The following KMT2D variants were observed in gnomAD, a reference collection of about 807,000 sequenced individuals.
KMT2D encodes histone-lysine N-methyltransferase 2D.
Under a neutral mutation model 512.7 loss-of-function variants are expected in KMT2D, and 55 were observed. That is an observed-to-expected ratio of 0.11 (90% CI 0.09 to 0.13). KMT2D has a LOEUF of 0.13. Ranked by LOEUF, KMT2D falls within the 10% of genes least tolerant of loss-of-function variation. The pLI is 1.00. For missense variants in KMT2D, 6,061 were observed against 7,127.9 expected (o/e 0.85, Z 5.39); for synonymous variants, 2,995 against 2,904.0 (o/e 1.03, Z -1.01).
Position 49,031,857 on chromosome 12 carries a change from G to A in KMT2D, c.12848C>T (p.Pro4283Leu), listed in dbSNP as rs768584961. The A allele has an allele frequency of 4.0e-5, 61 of 1,541,716 alleles. No homozygotes were observed. The highest frequency in any genetic ancestry group is 6.0e-5 in the Admixed American group (3 of 49,606). ...PLQELGAGPR[P>L]QGPPRLPAPP... ...GGCAGGGAGCCGGGGTGGGCCCTGA[G>A]GTCGAGGCCCTGCCCCTAGCTCCTG... is the stretch of plus-strand genomic sequence containing the variant. The change falls in exon 40 of 55, where the codon CCT becomes CTT. Residue 4283 changes from proline to leucine, a missense_variant. This residue lies in a region of KMT2D where 1,600 missense variants were observed against 1,754.9 expected (regional missense o/e 0.91). Transcript: ENST00000301067.
rs1288515459 is a variant in KMT2D, at chr12:49,046,906, C to T, written c.4237-116G>A. 6.6e-6 allele frequency: 6 copies of T among 912,060 alleles called. No homozygotes were observed. The highest frequency in any genetic ancestry group is 1.8e-5 in the South Asian group (1 of 56,800). 56.5% of individuals were successfully genotyped at this position (912,060 alleles called of 1,614,324 possible). ...TGTTCCCCAGGCTGGAGTGCAATGGCGCGATCTCGGCTCACTGCAACCTCT... is the reference window on the plus strand; with the variant it reads ...TGTTCCCCAGGCTGGAGTGCAATGGTGCGATCTCGGCTCACTGCAACCTCT... On this transcript the variant is annotated intron_variant, in intron 15 of 54. Coordinates refer to ENST00000301067, the MANE Select transcript of KMT2D (RefSeq NM_003482.4). The surrounding 1 kb of genome is among the most constrained non-coding windows in gnomAD (Gnocchi z 4.2).
chr12:49,021,417 T>C lies in KMT2D; in HGVS notation c.*363A>G, dbSNP rs1284214133. ...GAGGTCAGTGGGAGCAGCAGGGCTG[T>C]GAGGCCCGGCCACACATCCTCTTCC... is the stretch of plus-strand genomic sequence containing the variant. On this transcript the variant is annotated 3_prime_UTR_variant, in exon 55 of 55. Coordinates refer to ENST00000301067, the MANE Select transcript of KMT2D (RefSeq NM_003482.4). 1 of 332,634 alleles carries C rather than the reference T, an allele frequency of 3.0e-6. No homozygotes were observed. The allele number at this position is 332,634 out of a possible 1,614,324, so 20.6% of individuals were successfully genotyped here. A position where few individuals can be genotyped will look rare whatever the true frequency, so the allele number is the denominator to read the frequency against.
rs373531639 is a variant in KMT2D, at chr12:49,032,296, G to A, written c.12409C>T (p.Pro4137Ser). 4 of 1,613,928 alleles carry A rather than the reference G, an allele frequency of 2.5e-6. No homozygotes were observed. Among genetic ancestry groups the A allele is most frequent in the Non-Finnish European group, 3.4e-6 (4 of 1,179,848 alleles). Residue 4137 changes from proline (P) to serine (S), a missense_variant, in exon 40 of 55, where the codon CCC becomes TCC. Pro to Ser is a moderately conservative substitution (Grantham distance 74, BLOSUM62 -1). This residue lies in a region of KMT2D where 1,600 missense variants were observed against 1,754.9 expected (regional missense o/e 0.91). Transcript: ENST00000301067. ...GGCTGATCCCCTAAGGAAACAGAGG[G>A]CTGAGCCAGCAGGTGGGGCACAGAT... Reference protein sequence around the residue: ...ASSVPHLLAQPSVSLGDQPGS... With the variant: ...ASSVPHLLAQSSVSLGDQPGS...
In KMT2D at chr12:49,030,892, C is replaced by T; in HGVS notation, c.13671+1G>A. ...AGGGGGACTGTCTCCTGGGGGGTCA[C>T]CTGTTTCAGCTGTTTCAGCAAGGCC... On this transcript the variant is annotated splice_donor_variant, in intron 41 of 54. Transcript: ENST00000301067. LOFTEE classifies it high-confidence loss of function. 1 of 1,613,786 alleles carries T rather than the reference C, an allele frequency of 6.2e-7. No individual in the cohort carries two copies. The highest frequency in any genetic ancestry group is 8.5e-7 in the Non-Finnish European group (1 of 1,179,780).
chr12:49,050,452 C>T lies in KMT2D; in HGVS notation c.3136G>A (p.Ala1046Thr), dbSNP rs1592152507. ...NSPPSQCSPPALPLSVPSPLS... is the reference protein window; with the variant it reads ...NSPPSQCSPPTLPLSVPSPLS... ...GGGGAGGGAACGGACAGTGGTAGGG[C>T]AGGAGGAGAGCACTGGGAAGGAGGG... The change falls in exon 12 of 55, where the codon GCC becomes ACC. Residue 1046 changes from alanine (A) to threonine (T), a missense_variant. Ala to Thr is a moderately conservative substitution (Grantham distance 58, BLOSUM62 0). Coordinates refer to ENST00000301067, the MANE Select transcript of KMT2D (RefSeq NM_003482.4). 1 of 1,613,868 alleles carries T rather than the reference C, an allele frequency of 6.2e-7. No individual in the cohort carries two copies. The highest frequency in any genetic ancestry group is 1.3e-5 in the African/African-American group (1 of 75,022).
chr12:49,033,997 G>A, intron 39 of KMT2D, 33 bp from the exon 40 acceptor site: 1 of 1,555,210 alleles, frequency 6.4e-7, no homozygotes, highest in Non-Finnish European at 8.7e-7. Flanking sequence ...GTCAGGCTGG[G>A]GCATGCTCCC....
rs1396794808 is a variant in KMT2D, at chr12:49,040,220, T to C, written c.7550A>G (p.Asn2517Ser). Residue 2517 changes from asparagine (N) to serine (S), a missense_variant, in exon 32 of 55, where the codon AAT becomes AGT. Coordinates refer to ENST00000301067, the MANE Select transcript of KMT2D (RefSeq NM_003482.4). ...HAKVPSGQPP[N>S]FVRSPGTGAF... ...ACCCGTCCCAGGGGACCGGACAAAA[T>C]TGGGGGGCTGCCCACTTGGGACCTT... 9.3e-6 allele frequency: 15 copies of C among 1,612,580 alleles called. No homozygotes were observed. Among genetic ancestry groups the C allele is most frequent in the South Asian group, 5.5e-5 (5 of 91,060 alleles).
chr12:49,057,608 G>A (rs1327891156), intron 1 of KMT2D, among the ~76,000 whole-genome samples: 4 of 152,170 alleles, frequency 2.6e-5, no homozygotes, highest in Non-Finnish European at 5.9e-5. Context: ...AAATAATCTA[G>A]GGGGCACCTC....
chr12:49,060,444 C>T lies in KMT2D; in HGVS notation c.-869G>A, dbSNP rs911134117. Among the ~76,000 whole-genome samples, 2 of 152,176 alleles carry T rather than the reference C, an allele frequency of 1.3e-5. No individual in the cohort carries two copies. Among genetic ancestry groups the T allele is most frequent in the Admixed American group, 6.5e-5 (1 of 15,282 alleles). On this transcript the variant is annotated 5_prime_UTR_variant, in exon 1 of 55. Coordinates refer to ENST00000301067, the MANE Select transcript of KMT2D (RefSeq NM_003482.4). ...TCTGGTCGGTGGCACCCCCTCGACC[C>T]CCGGCTGACTGTGATCGCAGGCGGC...
Position 49,030,305 on chromosome 12 carries a change from G to A in KMT2D, c.13974C>T (p.Ala4658=), listed in dbSNP as rs1487714768. 6.9e-6 allele frequency: 11 copies of A among 1,603,068 alleles called. No homozygotes were observed. The highest frequency in any genetic ancestry group is 6.8e-6 in the Non-Finnish European group (8 of 1,174,732). Residue 4658 remains alanine, a synonymous_variant, in exon 43 of 55, where the codon GCC becomes GCT. Transcript: ENST00000301067. ...CCCTCAGTGCCCTTTCACTATCCCGGGCAGAGGCAGCATCCTTGGGGTGCT... is the reference window on the plus strand; with the variant it reads ...CCCTCAGTGCCCTTTCACTATCCCGAGCAGAGGCAGCATCCTTGGGGTGCT... ...LGEHPKDAAS[A]RDSERALRDT... is the part of the protein sequence containing the mutation.
Position 49,032,202 on chromosome 12 carries a change from G to A in KMT2D, c.12503C>T (p.Thr4168Ile). The change falls in exon 40 of 55, where the codon ACA (threonine) becomes ATA (isoleucine). Residue 4168 changes from threonine to isoleucine, a missense_variant. Thr to Ile is a moderately conservative substitution (Grantham distance 89). Around this residue, in one of 16 missense-constraint regions of KMT2D, gnomAD observed 1,600 missense variants for 1,754.9 expected, o/e 0.91. Transcript: ENST00000301067. Reference sequence around the variant, plus strand: ...TCCTGGTTTGGGAGGTTGTGGCCCTGTATTATTTTGCATGGGCCGCTCTAG... The same window carrying A: ...TCCTGGTTTGGGAGGTTGTGGCCCTATATTATTTTGCATGGGCCGCTCTAG... Reference protein sequence around the residue: ...PMLERPMQNNTGPQPPKPGPV... With the variant: ...PMLERPMQNNIGPQPPKPGPV... The A allele has an allele frequency of 1.2e-6, 2 of 1,613,092 alleles. No homozygotes were observed. The highest frequency in any genetic ancestry group is 1.7e-6 in the Non-Finnish European group (2 of 1,179,280).
chr12:49,032,485 G>T lies in KMT2D; in HGVS notation c.12220C>A (p.Gln4074Lys). The change falls in exon 40 of 55, where the codon CAA (glutamine) becomes AAA (lysine). Residue 4074 changes from glutamine to lysine, a missense_variant. Coordinates refer to ENST00000301067, the MANE Select transcript of KMT2D (RefSeq NM_003482.4). ...EVKPSLSGDS[Q>K]LLLVQPQPQP... ...GGCTGGGGTTGGACAAGCAGGAGTT[G>T]TGAGTCCCCAGAGAGTGAGGGCTTT... 3 of 1,569,054 alleles carry T rather than the reference G, an allele frequency of 1.9e-6. No homozygotes were observed. Among genetic ancestry groups the T allele is most frequent in the Non-Finnish European group, 2.6e-6 (3 of 1,156,790 alleles).
In KMT2D at chr12:49,046,706, G is replaced by A. The variant is rs910695111; in HGVS notation, c.4321C>T (p.Arg1441Cys). The A allele has an allele frequency of 1.2e-6, 2 of 1,613,840 alleles. No individual in the cohort carries two copies. Among genetic ancestry groups the A allele is most frequent in the African/African-American group, 1.3e-5 (1 of 74,916 alleles). The stretch of plus-strand genomic sequence containing the variant: ...TCACAGTCATCACAGAGCAGCAGGC[G>A]TGAGGGGTCGGAGGCCTGGCCACAC... ...EVCGQASDPS[R>C]LLLCDDCDIS... The change falls in exon 16 of 55, where the codon CGC becomes TGC. Residue 1441 changes from arginine to cysteine, a missense_variant. Transcript: ENST00000301067. The surrounding 1 kb of genome is among the most constrained non-coding windows in gnomAD (Gnocchi z 4.2).
chr12:49,054,620 G>A lies in KMT2D; in HGVS notation c.308C>T (p.Pro103Leu). ...GGGCAGCACTGCCTCATTGGGCCCT[G>A]GGCTCCCCCCAGGGGACACCACTGG... ...RCPVVSPGGS[P>L]GPNEAVLPSE... is the part of the protein sequence containing the mutation. The change falls in exon 4 of 55, where the codon CCA becomes CTA. Residue 103 changes from proline to leucine, a missense_variant. Physicochemically the swap from Pro to Leu is moderately conservative, Grantham distance 98. Coordinates refer to ENST00000301067, the MANE Select transcript of KMT2D (RefSeq NM_003482.4). The surrounding 1 kb of genome is among the most constrained non-coding windows in gnomAD (Gnocchi z 6.4). 1 of 1,613,238 alleles carries A rather than the reference G, an allele frequency of 6.2e-7. No homozygotes were observed. Among genetic ancestry groups the A allele is most frequent in the Non-Finnish European group, 8.5e-7 (1 of 1,179,532 alleles).
rs267603492 is a variant in KMT2D, at chr12:49,054,567, G to C, written c.361C>G (p.Pro121Ala). The C allele has an allele frequency of 6.2e-7, 1 of 1,612,772 alleles. No individual in the cohort carries two copies. Residue 121 changes from proline (P) to alanine (A), a missense_variant, in exon 4 of 55, where the codon CCT becomes GCT. By Grantham distance (27) the Pro-to-Ala change is conservative. Transcript: ENST00000301067. The surrounding 1 kb of genome is among the most constrained non-coding windows in gnomAD (Gnocchi z 6.4). The stretch of plus-strand genomic sequence containing the variant: ...AGGTGGGCAGGTGTAAGGCCCTCAG[G>C]GAAACCAATCTGTGATAGGTCCTCA... ...PSEDLSQIGF[P>A]EGLTPAHLGE... is the part of the protein sequence containing the mutation.
In KMT2D at chr12:49,020,552, C is replaced by T. The variant is rs1942269598; in HGVS notation, c.*1228G>A. ...CATGCCCCACAAGACTATGTACAAT[C>T]CCATGTATAAATAGATAAATACCCC... is the stretch of plus-strand genomic sequence containing the variant. On this transcript the variant is annotated 3_prime_UTR_variant, in exon 55 of 55. Coordinates refer to ENST00000301067, the MANE Select transcript of KMT2D (RefSeq NM_003482.4). 1 of 205,590 alleles carries T rather than the reference C, an allele frequency of 4.9e-6. No individual in the cohort carries two copies. Among genetic ancestry groups the T allele is most frequent in the Admixed American group, 6.0e-5 (1 of 16,734 alleles). The allele number at this position is 205,590 out of a possible 1,614,324, so 12.7% of individuals were successfully genotyped here.
rs1237654242 is a variant in KMT2D at position 49,028,839 on chromosome 12, C to T, written c.14371G>A (p.Ala4791Thr). The T allele has an allele frequency of 1.9e-6, 3 of 1,613,946 alleles. No homozygotes were observed. Residue 4791 changes from alanine to threonine, a missense_variant, in exon 46 of 55, where the codon GCT becomes ACT. Ala to Thr is a moderately conservative substitution (Grantham distance 58). Transcript: ENST00000301067. ...EVSVMLTVSAAAAKNLNGVMV... is the reference protein window; with the variant it reads ...EVSVMLTVSATAAKNLNGVMV... ...CCCCTAGGACACACCTTGGCTGCAG[C>T]AGCAGAGACTGTGAGCATGACTGAC... is the stretch of plus-strand genomic sequence containing the variant.
Position 49,026,116 on chromosome 12 carries a change from G to C in KMT2D, c.15784+66C>G, listed in dbSNP as rs1942569027. On this transcript the variant is annotated intron_variant, in intron 49 of 54. Coordinates refer to ENST00000301067, the MANE Select transcript of KMT2D (RefSeq NM_003482.4). This position sits in a 1 kb window ranked among gnomAD's most constrained non-coding sequence, Gnocchi z 9.6. ...AGCTACAGGTCCTCTTATAGACATT[G>C]TAACAGTGACCCTGGGAGAAACTTT... The C allele has an allele frequency of 6.9e-7, 1 of 1,444,660 alleles. No homozygotes were observed. The highest frequency in any genetic ancestry group is 1.4e-5 in the African/African-American group (1 of 70,368). The allele number at this position is 1,444,660 out of a possible 1,614,324, so 89.5% of individuals were successfully genotyped here. A position where few individuals can be genotyped will look rare whatever the true frequency, so the allele number is the denominator to read the frequency against.
In KMT2D at chr12:49,059,245, G is replaced by A. The variant is rs538485897; in HGVS notation, c.-38+368C>T. On this transcript the variant is annotated intron_variant, in intron 1 of 54. Transcript: ENST00000301067. ...ACCATCCCAAGTTGCTCTGTCCCAA[G>A]GCCCACAAGGAACCCTGAGGGGAGA... Among the ~76,000 whole-genome samples the A allele has an allele frequency of 5.9e-5, 9 of 152,172 alleles. No individual in the cohort carries two copies. The South Asian group carries it at 1.7e-3, about 28-fold the overall frequency.
Sources: gnomAD v4.1 joint callset for allele counts (sites outside exome capture counted in the v4.1 genomes callset) on GRCh38, gnomAD v4.1.1 for gene constraint, gnomAD v4.1.1 regional missense constraint, Gnocchi (gnomAD v3.1) non-coding constraint, MANE v1.5 for transcripts, NCBI Gene and HGNC (gene_info 2026-07-23, HGNC 2026-07-21) for gene names.